RTF1: variants seen among roughly 807,000 people sequenced by gnomAD.
RTF1 encodes the protein RNA polymerase-associated protein RTF1 homolog.
A neutral mutation model predicts 95.7 loss-of-function variants in RTF1; 10 were observed. The observed-to-expected ratio is 0.10, with a 90% confidence interval of 0.06 to 0.18. The LOEUF is 0.18. Ranked by LOEUF, RTF1 falls within the 10% of genes least tolerant of loss-of-function variation. The probability of loss-of-function intolerance (pLI) is 1.00; values close to 1 mark genes in which losing one functional copy is unlikely to be tolerated. For synonymous variants in RTF1, 305 were observed against 311.8 expected (o/e 0.98, Z 0.23); for missense variants, 458 against 875.6 (o/e 0.52, Z 6.02).
intron 4 of RTF1, 77 bp downstream of exon 4, chr15:41,457,953 T>C (rs573993691): frequency 8.7e-7 from 1 of 1,149,010 alleles, no homozygotes; most frequent in South Asian, 1.4e-5. Context: ...TTCCCTGTCC[T>C]TCACACCTGA....
At position 41,480,744 on chromosome 15, in the gene RTF1, C is replaced by A; in HGVS notation, c.*57C>A. On this transcript the variant is annotated 3_prime_UTR_variant, in exon 18 of 18. Coordinates refer to ENST00000389629, the MANE Select transcript of RTF1 (RefSeq NM_015138.5). ...TGCCCCATCGCAGCGTCCCACCTTT[C>A]CTCCTTTCCTTTGATTTAGCCTCTT... is the stretch of plus-strand genomic sequence containing the variant. 2 of 1,262,018 alleles carry A rather than the reference C, an allele frequency of 1.6e-6. No homozygotes were observed. Among genetic ancestry groups the A allele is most frequent in the Non-Finnish European group, 1.2e-6 (1 of 862,172 alleles). 78.2% of individuals were successfully genotyped at this position (1,262,018 alleles called of 1,614,324 possible).
chr15:41,468,652 C>T (rs943633296), intron 6 of RTF1, among the ~76,000 whole-genome samples: 26 of 152,082 alleles, frequency 1.7e-4, no homozygotes, highest in African/African-American at 5.1e-4. Context: ...TTAGTTACCC[C>T]CCAGGCACAT....
chr15:41,451,660 A>T (rs2050790137), intron 2 of RTF1, among the ~76,000 whole-genome samples: 1 of 152,224 alleles, frequency 6.6e-6, no homozygotes, highest in Admixed American at 6.5e-5. Context: ...AGTTAGTGCC[A>T]GTGCTGCCAT....
chr15:41,453,323 T>A (rs1327913388), intron 3 of RTF1, among the ~76,000 whole-genome samples: 1 of 152,144 alleles, frequency 6.6e-6, no homozygotes, highest in South Asian at 2.1e-4. Context: ...TGAGTGCCTT[T>A]CCCTCCCCTT....
Position 41,436,754 on chromosome 15 carries a change from A to C in RTF1, c.199-1567A>C, listed in dbSNP as rs541193983. On this transcript the variant is annotated intron_variant, in intron 1 of 17. Transcript: ENST00000389629. ...GGTTGCAGTCAGCCGAGATCGTGCCACTGCACTCTAGACTGGGCAACAGAG... is the reference window on the plus strand; with the variant it reads ...GGTTGCAGTCAGCCGAGATCGTGCCCCTGCACTCTAGACTGGGCAACAGAG... Among the ~76,000 whole-genome samples, 5 of 152,134 alleles carry C rather than the reference A, an allele frequency of 3.3e-5. No homozygotes were observed. The East Asian group carries it at 9.6e-4, about 29-fold the overall frequency.
At chr15:41,455,491 TC>T (rs1486986287) in intron 3 of RTF1, among the ~76,000 whole-genome samples, 2 of 151,928 alleles carry the variant, frequency 1.3e-5, no homozygotes, top group Admixed American at 1.3e-4. Context: ...GTTTAAGCCA[TC>T]AGGATGCAAA....
At position 41,474,697 on chromosome 15, in the gene RTF1, A is replaced by C. The variant is rs762240543; in HGVS notation, c.1281A>C (p.Gln427His). The C allele has an allele frequency of 6.2e-7, 1 of 1,613,248 alleles. No individual in the cohort carries two copies. Among genetic ancestry groups the C allele is most frequent in the African/African-American group, 1.3e-5 (1 of 74,926 alleles). ...LGGTRTNKGL[Q>H]LRHGNDQRVF... is the part of the protein sequence containing the mutation. ...GCACCAGAACAAACAAAGGGCTGCA[A>C]CTACGGTAGGAGGCACTTCTGGGGT... The change falls in exon 9 of 18, where the codon CAA becomes CAC. Residue 427 changes from glutamine to histidine, a missense_variant. Physicochemically the swap from Gln to His is conservative, Grantham distance 24. This residue lies in a region of RTF1 where 150 missense variants were observed against 275.7 expected (regional missense o/e 0.54). Transcript: ENST00000389629.
At chr15:41,423,582 T>C (rs2050613793) in intron 1 of RTF1, among the ~76,000 whole-genome samples, 1 of 151,990 alleles carries the variant, frequency 6.6e-6, no homozygotes, top group African/African-American at 2.4e-5. Context: ...TTGGTCAGTC[T>C]GGTCTCAAAC....
chr15:41,446,831 C>T (rs1477803460), intron 2 of RTF1, among the ~76,000 whole-genome samples: 2 of 146,908 alleles, frequency 1.4e-5, no homozygotes, highest in Non-Finnish European at 3.0e-5. Flanking sequence ...GAGACGGAGT[C>T]TCCCTCTGTC....
intron 5 of RTF1, 23 bp downstream of exon 5, chr15:41,464,908 T>C (rs2050872377): frequency 6.6e-7 from 1 of 1,514,160 alleles, no homozygotes; most frequent in African/African-American, 1.4e-5. Context: ...GTGTTCCTCA[T>C]TGTCCAAAGA....
At chr15:41,467,946 C>T (rs999386961) in intron 6 of RTF1, among the ~76,000 whole-genome samples, 4 of 152,100 alleles carry the variant, frequency 2.6e-5, no homozygotes, top group Admixed American at 6.6e-5. Flanking sequence ...AGGCAGATCA[C>T]GTGAGGTCTG....
chr15:41,476,558 T>C lies in RTF1; in HGVS notation c.1560+35T>C, dbSNP rs2050942797. The C allele has an allele frequency of 1.9e-6, 3 of 1,548,518 alleles. No individual in the cohort carries two copies. The African/African-American group carries it at 4.1e-5, about 21-fold the overall frequency. On this transcript the variant is annotated intron_variant, in intron 12 of 17. Coordinates refer to ENST00000389629, the MANE Select transcript of RTF1 (RefSeq NM_015138.5). ...TGTACTCGAGCCTCTTTCCTCATCC[T>C]GTAAGGAGATGTGGAAATCAAACTT...
intron 3 of RTF1, among the ~76,000 whole-genome samples, chr15:41,456,567 C>T (rs1292324649): frequency 1.9e-4 from 28 of 150,004 alleles, no homozygotes; most frequent in Middle Eastern, 3.8e-3. Flanking sequence ...GAGGCCAAGG[C>T]GAGCGGATCA....
rs931706283 is a variant in RTF1 at position 41,417,188 on chromosome 15, C to T, written c.73C>T (p.Gln25Ter). The part of the protein sequence containing the change: ...AAVAVPLAGG[Q>*]EGSPGGGRRG... ...AGTGGCGGTCCCACTGGCAGGCGGG[C>T]AAGAGGGGAGTCCGGGCGGCGGCCG... Residue 25 changes from glutamine (Q) to a stop codon, truncating the protein, a stop_gained, in exon 1 of 18, where the codon CAA (glutamine) becomes TAA (stop). Coordinates refer to ENST00000389629, the MANE Select transcript of RTF1 (RefSeq NM_015138.5). LOFTEE classifies it high-confidence loss of function. 6 of 1,264,238 alleles carry T rather than the reference C, an allele frequency of 4.7e-6. No homozygotes were observed. The highest frequency in any genetic ancestry group is 6.0e-6 in the Non-Finnish European group (6 of 1,000,682). The allele number at this position is 1,264,238 out of a possible 1,614,324, so 78.3% of individuals were successfully genotyped here.
At chr15:41,458,982 G>C (rs2050832949) in intron 4 of RTF1, among the ~76,000 whole-genome samples, 2 of 152,142 alleles carry the variant, frequency 1.3e-5, no homozygotes, top group South Asian at 4.1e-4. Context: ...TGAGGCAGGA[G>C]AATGGCTGGA....
Position 41,417,316 on chromosome 15 carries a change from G to T in RTF1, c.198+3G>T. 2 of 1,247,458 alleles carry T rather than the reference G, an allele frequency of 1.6e-6. No individual in the cohort carries two copies. The highest frequency in any genetic ancestry group is 2.0e-6 in the Non-Finnish European group (2 of 988,194). 77.3% of individuals were successfully genotyped at this position (1,247,458 alleles called of 1,614,324 possible). ...GCAGCGACGAGAACCTGGATCAGGTGAGGGCAGGCCGCGGAGGCGCGGGCC... is the reference window on the plus strand; with the variant it reads ...GCAGCGACGAGAACCTGGATCAGGTTAGGGCAGGCCGCGGAGGCGCGGGCC... On this transcript the variant is annotated splice_donor_region_variant and intron_variant, in intron 1 of 17. Coordinates refer to ENST00000389629, the MANE Select transcript of RTF1 (RefSeq NM_015138.5).
chr15:41,449,431 C>T (rs977507620), intron 2 of RTF1, among the ~76,000 whole-genome samples: 24 of 152,028 alleles, frequency 1.6e-4, no homozygotes, highest in Non-Finnish European at 2.4e-4. Context: ...CGGGGTTTCA[C>T]CGTGTTAGCC....
chr15:41,440,725 G>A (rs1391686333), intron 2 of RTF1, among the ~76,000 whole-genome samples: 4 of 151,696 alleles, frequency 2.6e-5, no homozygotes, highest in African/African-American at 7.3e-5. Context: ...TCCTGACCTC[G>A]TGATCTGCCC....
At chr15:41,430,213 G>GC in intron 1 of RTF1, among the ~76,000 whole-genome samples, 1 of 133,572 alleles carries the variant, frequency 7.5e-6, no homozygotes, top group African/African-American at 2.8e-5. Context: ...GAGTCTCGCT[G>GC]CCCCCTAGGC....
Sources: allele counts gnomAD v4.1 joint callset (sites outside exome capture counted in the v4.1 genomes callset), GRCh38; gene constraint gnomAD v4.1.1; regional missense constraint gnomAD v4.1.1; transcripts MANE v1.5; gene names NCBI Gene and HGNC (gene_info 2026-07-23, HGNC 2026-07-21).